The following DPP6 variants were observed in gnomAD, a reference collection of about 807,000 sequenced individuals.
The protein encoded by DPP6 is dipeptidyl peptidase like 6, also known as A-type potassium channel modulatory protein DPP6.
Under a neutral mutation model 122.6 loss-of-function variants are expected in DPP6, and 69 were observed. That is an observed-to-expected ratio of 0.56 (90% confidence interval 0.46 to 0.69). The LOEUF (loss-of-function observed/expected upper bound fraction) is 0.69, where lower values mean the gene tolerates loss of function less well. DPP6 is among the 30% of genes least tolerant of loss of function. The pLI is 0.00. For missense variants in DPP6, 928 were observed against 1,116.9 expected (o/e 0.83, Z 2.41); for synonymous variants, 418 against 433.1 (o/e 0.97, Z 0.43).
At chr7:154,747,440 C>T (rs1843085884) in intron 8 of DPP6, among the ~76,000 whole-genome samples, 2 of 152,170 alleles carry the variant, frequency 1.3e-5, no homozygotes, top group Non-Finnish European at 2.9e-5. Context: ...ATTCTACCTC[C>T]ACCATTTACT....
At chr7:154,319,639 G>C (rs1010056400) in intron 1 of DPP6, among the ~76,000 whole-genome samples, 2 of 151,996 alleles carry the variant, frequency 1.3e-5, no homozygotes, top group African/African-American at 2.4e-5. Flanking sequence ...AGGTTGTAGT[G>C]AGCTGAGATT....
At chr7:154,023,128 T>A (rs1477033836) in intron 1 of DPP6, among the ~76,000 whole-genome samples, 2 of 151,876 alleles carry the variant, frequency 1.3e-5, no homozygotes, top group Admixed American at 6.6e-5. Flanking sequence ...AATGTACCTT[T>A]AGTGAGTCCA....
chr7:154,660,358 C>T (rs1335174221), intron 6 of DPP6, among the ~76,000 whole-genome samples: 1 of 144,588 alleles, frequency 6.9e-6, no homozygotes. Flanking sequence ...GCGTATTGGC[C>T]GTAGTGTTCA....
intron 1 of DPP6, among the ~76,000 whole-genome samples, chr7:154,242,227 C>T (rs1801667090): frequency 1.3e-5 from 2 of 152,038 alleles, no homozygotes; most frequent in Non-Finnish European, 2.9e-5. Flanking sequence ...ATGTACACAC[C>T]CTGGAGCAGG....
intron 2 of DPP6, among the ~76,000 whole-genome samples, chr7:154,450,779 T>G (rs2151297427): frequency 6.6e-6 from 1 of 152,324 alleles, no homozygotes; most frequent in African/African-American, 2.4e-5. Flanking sequence ...GTGGTGCTGA[T>G]GATCTCACAC....
intron 1 of DPP6, among the ~76,000 whole-genome samples, chr7:153,996,880 T>G (rs549627827): frequency 1.3e-5 from 2 of 152,338 alleles, no homozygotes; most frequent in East Asian, 3.9e-4. Flanking sequence ...CAATCATGTC[T>G]ATGTATGTTA....
chr7:154,561,769 A>G (rs1171835498), intron 4 of DPP6, among the ~76,000 whole-genome samples: 1 of 152,158 alleles, frequency 6.6e-6, no homozygotes, highest in Admixed American at 6.5e-5. Context: ...GATCAATAAA[A>G]TCAATCAAGA....
chr7:154,885,461 T>C (rs1806069741), intron 21 of DPP6, 172 bp from the exon 22 acceptor site: 1 of 868,998 alleles, frequency 1.2e-6, no homozygotes, highest in East Asian at 2.7e-5. Context: ...GAAGGGAGTT[T>C]GCTTTTCATC....
At chr7:154,733,833 C>T (rs763223994) in intron 8 of DPP6, among the ~76,000 whole-genome samples, 9 of 152,246 alleles carry the variant, frequency 5.9e-5, no homozygotes, top group Admixed American at 1.3e-4. Flanking sequence ...CCCATAAACT[C>T]TCTAAATCCC....
At chr7:154,882,909 G>T (rs78796672) in intron 21 of DPP6, among the ~76,000 whole-genome samples, 2,474 of 135,998 alleles carry the variant, frequency 0.018, 35 homozygotes, top group East Asian at 0.082. Context: ...GTCATAAATG[G>T]TTGATCTTGG....
chr7:154,812,541 A>G (rs73502106), intron 16 of DPP6, among the ~76,000 whole-genome samples: 2,079 of 152,206 alleles, frequency 0.014, 43 homozygotes, highest in African/African-American at 0.048. Context: ...TTCTCCTTGT[A>G]TCCTCATGTG....
At chr7:154,043,205 T>C (rs2129058530) in intron 1 of DPP6, among the ~76,000 whole-genome samples, 1 of 152,000 alleles carries the variant, frequency 6.6e-6, no homozygotes, top group South Asian at 2.1e-4. Context: ...CTGACCAACA[T>C]CGTGAAACCC....
chr7:154,537,728 G>A (rs115890548), intron 3 of DPP6, among the ~76,000 whole-genome samples: 1,972 of 146,218 alleles, frequency 0.013, 51 homozygotes, highest in African/African-American at 0.047. Context: ...AAGGAAGGAA[G>A]AAAGAAAGAA....
rs1214119282 is a variant in DPP6, at chr7:154,174,911, C to T, written c.243+121848C>T. Among the ~76,000 whole-genome samples, 19 of 147,620 alleles carry T rather than the reference C, an allele frequency of 1.3e-4. No homozygotes were observed. The East Asian group carries it at 3.4e-3, about 26-fold the overall frequency. On this transcript the variant is annotated intron_variant, in intron 1 of 25. Transcript: ENST00000377770. ...TTTTGTTTTGAGATGGAGTCTCACT[C>T]TGTCACCCAGGCTGGAGTACAGTGG... is the stretch of plus-strand genomic sequence containing the variant.
chr7:154,319,306 G>T (rs1279785326), intron 1 of DPP6, among the ~76,000 whole-genome samples: 2 of 152,180 alleles, frequency 1.3e-5, no homozygotes, highest in Non-Finnish European at 2.9e-5. Flanking sequence ...TAAAGACAAG[G>T]TTAAAACTCT....
chr7:154,233,258 G>C (rs186052184), intron 1 of DPP6, among the ~76,000 whole-genome samples: 33 of 152,342 alleles, frequency 2.2e-4, no homozygotes, highest in Admixed American at 1.7e-3. Context: ...AGCTGTGAGG[G>C]AAGGGACTTC....
chr7:154,499,996 A>G (rs991437192), intron 3 of DPP6, among the ~76,000 whole-genome samples: 4 of 152,176 alleles, frequency 2.6e-5, no homozygotes, highest in Non-Finnish European at 5.9e-5. Flanking sequence ...CTCTCTAAAC[A>G]CAATACATGC....
chr7:154,208,465 C>T (rs1799571440), intron 1 of DPP6, among the ~76,000 whole-genome samples: 1 of 152,240 alleles, frequency 6.6e-6, no homozygotes, highest in African/African-American at 2.4e-5. Flanking sequence ...ATCCCATCTG[C>T]AGCGTGCAAA....
intron 1 of DPP6, among the ~76,000 whole-genome samples, chr7:154,441,596 C>T (rs996960241): frequency 3.3e-5 from 5 of 152,042 alleles, no homozygotes; most frequent in South Asian, 2.1e-4. Context: ...ATGAGAGATA[C>T]GAAGCTCAGG....
Sources: gnomAD v4.1 joint callset for allele counts (sites outside exome capture counted in the v4.1 genomes callset) on GRCh38, gnomAD v4.1.1 for gene constraint, MANE v1.5 for transcripts, NCBI Gene and HGNC (gene_info 2026-07-23, HGNC 2026-07-21) for gene names.